The following FAT3 variants were observed in gnomAD, a reference collection of about 807,000 sequenced individuals.
FAT3 encodes the protein protocadherin Fat 3.
Under a neutral mutation model 310.2 loss-of-function variants are expected in FAT3, and 95 were observed. The observed-to-expected ratio is 0.31, with a 90% CI of 0.26 to 0.36. FAT3 has a LOEUF of 0.36. Ranked by LOEUF, FAT3 falls within the 10% of genes least tolerant of loss-of-function variation. The pLI, the probability that FAT3 is intolerant of heterozygous loss-of-function variation, is 1.00. For missense variants in FAT3, 5,408 were observed against 5,715.6 expected (o/e 0.95, Z 1.74); for synonymous variants, 2,314 against 2,192.9 (o/e 1.06, Z -1.54).
intron 3 of FAT3, among the ~76,000 whole-genome samples, chr11:92,669,151 A>G (rs570231395): frequency 4.4e-4 from 67 of 152,314 alleles, no homozygotes; most frequent in Non-Finnish European, 2.9e-5. Flanking sequence ...ACCCTGTTCC[A>G]TGCTCTAGGA....
At chr11:92,748,196 T>A (rs1316725465) in intron 4 of FAT3, among the ~76,000 whole-genome samples, 1 of 151,910 alleles carries the variant, frequency 6.6e-6, no homozygotes, top group Non-Finnish European at 1.5e-5. Context: ...GAATGAGGAG[T>A]AAATCCGTGT....
At position 92,798,911 on chromosome 11, in the gene FAT3, C is replaced by T. The variant is rs767694467; in HGVS notation, c.5898C>T (p.Ser1966=). The change falls in exon 10 of 28, where the codon TCC becomes TCT. Residue 1966 remains serine (S), a synonymous_variant. Coordinates refer to ENST00000525166, the MANE Select transcript of FAT3 (RefSeq NM_001367949.2). The part of the protein sequence containing the change: ...KVSDGKFYST[S]MVTIMVKEAM... Reference sequence around the variant, plus strand: ...CTGATGGAAAGTTCTACAGTACCTCCATGGTCACCATCATGGTTAAAGAAG... The same window carrying T: ...CTGATGGAAAGTTCTACAGTACCTCTATGGTCACCATCATGGTTAAAGAAG... 7 of 1,613,992 alleles carry T rather than the reference C, an allele frequency of 4.3e-6. No homozygotes were observed. Among genetic ancestry groups the T allele is most frequent in the Admixed American group, 1.7e-5 (1 of 60,020 alleles).
At chr11:92,453,253 C>G (rs114116349) in intron 2 of FAT3, among the ~76,000 whole-genome samples, 1,539 of 152,284 alleles carry the variant, frequency 0.01, 28 homozygotes, top group African/African-American at 0.035. Context: ...GATTATTACT[C>G]AGATGCTGCT....
intron 17 of FAT3, among the ~76,000 whole-genome samples, 169 bp downstream of exon 17, chr11:92,837,975 T>C (rs1948448275): frequency 1.3e-5 from 2 of 152,310 alleles, no homozygotes; most frequent in South Asian, 4.1e-4. Flanking sequence ...GATTAATAAA[T>C]GTGAGTAAGA....
intron 3 of FAT3, among the ~76,000 whole-genome samples, chr11:92,553,675 CCCTTCCTT>C (rs55981814): frequency 0.068 from 7,380 of 108,268 alleles, 406 homozygotes; most frequent in East Asian, 0.19. Flanking sequence ...GAATCTCCGT[CCCTTCCTT>C]CCTTCCTTCC....
In FAT3 at chr11:92,800,960, C is replaced by T; in HGVS notation, c.7947C>T (p.Asp2649=). The T allele has an allele frequency of 6.2e-7, 1 of 1,613,226 alleles. No individual in the cohort carries two copies. Among genetic ancestry groups the T allele is most frequent in the Non-Finnish European group, 8.5e-7 (1 of 1,179,612 alleles). ...LYSEASVSVA[D]LLEIDPDNGW... ...GCGAGGCCTCTGTTTCAGTGGCCGA[C>T]CTCCTGGAAATCGATCCTGACAATG... Residue 2649 remains aspartate, a synonymous_variant, in exon 10 of 28, where the codon GAC becomes GAT. Coordinates refer to ENST00000525166, the MANE Select transcript of FAT3 (RefSeq NM_001367949.2).
rs1947237667 is a variant in FAT3 at position 92,798,515 on chromosome 11, A to G, written c.5502A>G (p.Arg1834=). 6.2e-7 allele frequency: 1 copy of G among 1,613,720 alleles called. No homozygotes were observed. The highest frequency in any genetic ancestry group is 8.5e-7 in the Non-Finnish European group (1 of 1,179,858). ...TGGACTCCAGTACAGGTGCAATCAG[A>G]ACAATTGCCAACCTGGACCATGAAA... ...FTVDSSTGAI[R]TIANLDHETI... is the part of the protein sequence containing the mutation. Residue 1834 remains arginine (R), a synonymous_variant, in exon 10 of 28, where the codon AGA becomes AGG. Transcript: ENST00000525166.
chr11:92,317,219 G>T (rs573628535), intron 1 of FAT3, among the ~76,000 whole-genome samples: 2 of 152,318 alleles, frequency 1.3e-5, no homozygotes, highest in South Asian at 4.1e-4. Flanking sequence ...CATGTGGACA[G>T]GGAGATTCCA....
chr11:92,353,645 C>T lies in FAT3; in HGVS notation c.1533C>T (p.Ile511=), dbSNP rs778023453. The T allele has an allele frequency of 7.4e-6, 12 of 1,613,852 alleles. No homozygotes were observed. Among genetic ancestry groups the T allele is most frequent in the Middle Eastern group, 3.3e-4 (2 of 6,060 alleles). Residue 511 remains isoleucine, a synonymous_variant, in exon 2 of 28, where the codon ATC becomes ATT. Coordinates refer to ENST00000525166, the MANE Select transcript of FAT3 (RefSeq NM_001367949.2). ...AAAATGGGTACATCACCTATAGTAT[C>T]GCTAGCCTGAATTTGTTACCATTTG... ...KGENGYITYS[I]ASLNLLPFVI... is the part of the protein sequence containing the mutation.
intron 3 of FAT3, among the ~76,000 whole-genome samples, chr11:92,617,652 A>T (rs571864371): frequency 2.0e-4 from 30 of 152,214 alleles, no homozygotes; most frequent in African/African-American, 7.0e-4. Context: ...TGACGTACAG[A>T]TGGGGTTTTG....
At chr11:92,301,912 G>A (rs75940250) in intron 1 of FAT3, among the ~76,000 whole-genome samples, 2,302 of 151,950 alleles carry the variant, frequency 0.015, 65 homozygotes, top group African/African-American at 0.053. Context: ...TGAATCATTC[G>A]GTATACAACC....
chr11:92,378,670 G>A (rs2134751223), intron 2 of FAT3, among the ~76,000 whole-genome samples: 1 of 152,100 alleles, frequency 6.6e-6, no homozygotes, highest in East Asian at 1.9e-4. Flanking sequence ...AAATACTTTG[G>A]TGTTTGTCTT....
At chr11:92,258,222 G>A (rs1398511339) in intron 1 of FAT3, among the ~76,000 whole-genome samples, 16 of 152,116 alleles carry the variant, frequency 1.1e-4, no homozygotes, top group Non-Finnish European at 1.0e-4. Context: ...CAATAAGTGT[G>A]AGTGCTTGCT....
chr11:92,566,694 T>A (rs10765556), intron 3 of FAT3, among the ~76,000 whole-genome samples: 150,017 of 150,066 alleles, frequency 1, 74,984 homozygotes, highest in Middle Eastern at 1. Context: ...ACAGAGATAC[T>A]GATCAATGGA....
rs573703666 is a variant in FAT3 at position 92,798,684 on chromosome 11, A to G, written c.5671A>G (p.Ile1891Val). ...TTTTACTCAGGCTGTGTTTGAGACT[A>G]TCTTACTTCTACCTACCTATGTTGG... ...PVFTQAVFET[I>V]LLLPTYVGVE... Residue 1891 changes from isoleucine (I) to valine (V), a missense_variant, in exon 10 of 28, where the codon ATC (isoleucine) becomes GTC (valine). Ile to Val is a conservative substitution (Grantham distance 29). Around this residue, in one of 5 missense-constraint regions of FAT3, gnomAD observed 4,588 missense variants for 4,809.8 expected, o/e 0.95. Transcript: ENST00000525166. 431 of 1,613,718 alleles carry G rather than the reference A, an allele frequency of 2.7e-4. 3 individuals are homozygous for G. In the South Asian group the frequency reaches 2.8e-3, roughly 11 times the overall value.
intron 2 of FAT3, among the ~76,000 whole-genome samples, chr11:92,382,529 C>T (rs1949519447): frequency 6.6e-6 from 1 of 152,232 alleles, no homozygotes; most frequent in East Asian, 1.9e-4. Context: ...AAGAGGGACC[C>T]CTAAAGGTAG....
At chr11:92,462,613 A>C (rs2135115160) in intron 2 of FAT3, among the ~76,000 whole-genome samples, 1 of 152,254 alleles carries the variant, frequency 6.6e-6, no homozygotes, top group African/African-American at 2.4e-5. Context: ...CTTCCAAAGC[A>C]GAGACTCCTT....
intron 3 of FAT3, among the ~76,000 whole-genome samples, chr11:92,622,281 CA>C (rs57328703): frequency 1.9e-4 from 28 of 145,914 alleles, no homozygotes; most frequent in Middle Eastern, 3.5e-3. Context: ...GACTCCATCT[CA>C]AAAAAAAAAA....
chr11:92,679,576 C>T (rs1033070887), intron 3 of FAT3, among the ~76,000 whole-genome samples: 1 of 151,958 alleles, frequency 6.6e-6, no homozygotes, highest in Non-Finnish European at 1.5e-5. Flanking sequence ...GGCACGGTGG[C>T]TCACGCCTGT....
Sources: gnomAD v4.1 joint callset for allele counts (sites outside exome capture counted in the v4.1 genomes callset) on GRCh38, gnomAD v4.1.1 for gene constraint, gnomAD v4.1.1 regional missense constraint, MANE v1.5 for transcripts, NCBI Gene and HGNC (gene_info 2026-07-23, HGNC 2026-07-21) for gene names.